The following TOX2 variants were observed in gnomAD, a reference collection of about 807,000 sequenced individuals.
TOX2 encodes the protein TOX high mobility group box family member 2.
In TOX2, 15 loss-of-function variants were observed where a neutral mutation model predicts 47.4. The ratio of observed to expected loss-of-function variants is 0.32; its 90% CI spans 0.21 to 0.49. The LOEUF (loss-of-function observed/expected upper bound fraction) is 0.49. TOX2 is among the 20% of genes least tolerant of loss of function. TOX2 has a pLI of 0.99. For missense variants in TOX2, 622 were observed against 673.1 expected, an observed-to-expected ratio of 0.92 and a Z score of 0.84; for synonymous variants, 290 against 296.6, an observed-to-expected ratio of 0.98 and a Z score of 0.23.
chr20:43,920,091 A>G (rs978680392), intron 1 of TOX2, among the ~76,000 whole-genome samples: 3 of 152,250 alleles, frequency 2.0e-5, no homozygotes, highest in Non-Finnish European at 4.4e-5. Flanking sequence ...CAAGGACCAC[A>G]CTTTGTGTAG....
chr20:43,982,136 C>G (rs2070179573), intron 2 of TOX2, among the ~76,000 whole-genome samples: 1 of 151,816 alleles, frequency 6.6e-6, no homozygotes, highest in Non-Finnish European at 1.5e-5. Context: ...TGGAGGACAG[C>G]AGAGAAAAGG....
chr20:44,020,980 G>A (rs763154571), intron 3 of TOX2, among the ~76,000 whole-genome samples: 5 of 152,146 alleles, frequency 3.3e-5, no homozygotes, highest in Middle Eastern at 3.4e-3. Context: ...GCCTTGAAGC[G>A]GACCCTCTGG....
chr20:44,026,228 G>GATATATATATATGT (rs2071060301), intron 3 of TOX2, among the ~76,000 whole-genome samples: 2 of 60,244 alleles, frequency 3.3e-5, no homozygotes, highest in African/African-American at 1.9e-4. Flanking sequence ...AAGAAACTGT[G>GATATATATATATGT]ATATATATAT....
chr20:43,995,068 T>C (rs1569075698), intron 2 of TOX2, among the ~76,000 whole-genome samples: 1 of 151,758 alleles, frequency 6.6e-6, no homozygotes, highest in Non-Finnish European at 1.5e-5. Flanking sequence ...TTTACCGGTA[T>C]GGCTTTTCTC....
intron 2 of TOX2, among the ~76,000 whole-genome samples, chr20:44,006,034 C>G (rs1464912088): frequency 6.6e-6 from 1 of 152,116 alleles, no homozygotes; most frequent in African/African-American, 2.4e-5. Context: ...TGCCATTTAC[C>G]AAGATGAGAA....
chr20:43,945,529 T>G (rs137879375), intron 1 of TOX2, among the ~76,000 whole-genome samples: 56 of 152,328 alleles, frequency 3.7e-4, no homozygotes, highest in African/African-American at 1.3e-3. Context: ...GCATGCAAGT[T>G]TCACACGTTG....
chr20:43,915,023 C>G lies in TOX2; in HGVS notation c.99+33C>G, dbSNP rs1283150269. On this transcript the variant is annotated intron_variant, in intron 1 of 8. Transcript: ENST00000341197. The surrounding 1 kb of genome is among the most constrained non-coding windows in gnomAD (Gnocchi z 7.1). ...GGGGCGGGCGGGGGTCCCCGGCGGG[C>G]GGGGCCGGAGTCACCTGGCAGCTCG... 1.6e-6 allele frequency: 2 copies of G among 1,215,500 alleles called. No individual in the cohort carries two copies. The highest frequency in any genetic ancestry group is 3.6e-5 in the East Asian group (1 of 28,150). The allele number at this position is 1,215,500 out of a possible 1,614,324, so 75.3% of individuals were successfully genotyped here.
At chr20:43,990,534 C>T (rs2070351387) in intron 2 of TOX2, among the ~76,000 whole-genome samples, 1 of 152,210 alleles carries the variant, frequency 6.6e-6, no homozygotes, top group Non-Finnish European at 1.5e-5. Context: ...GAAGTCCTCT[C>T]AATGTCACCT....
Position 44,066,820 on chromosome 20 carries a change from A to T in TOX2, c.1447A>T (p.Ser483Cys). Residue 483 changes from serine to cysteine, a missense_variant, in exon 8 of 9, where the codon AGC becomes TGC. Ser to Cys is a moderately radical substitution (Grantham distance 112). Coordinates refer to ENST00000341197, the MANE Select transcript of TOX2 (RefSeq NM_001098797.2). ...NPTSSGDWDSSYPSGECGIST... is the reference protein window; with the variant it reads ...NPTSSGDWDSCYPSGECGIST... ...CACCAGCAGCGGGGACTGGGACAGC[A>T]GCTACCCCAGTGGGGAGTGTGGCAT... The T allele has an allele frequency of 1.2e-6, 2 of 1,614,128 alleles. No individual in the cohort carries two copies. Among genetic ancestry groups the T allele is most frequent in the South Asian group, 2.2e-5 (2 of 91,082 alleles).
chr20:44,013,419 C>T (rs1046085113), intron 3 of TOX2, among the ~76,000 whole-genome samples: 6 of 152,178 alleles, frequency 3.9e-5, no homozygotes, highest in African/African-American at 1.4e-4. Context: ...ATAGGAATAC[C>T]CTCCCAAGTT....
intron 1 of TOX2, among the ~76,000 whole-genome samples, chr20:43,963,646 C>A (rs1264556298): frequency 6.6e-6 from 1 of 152,118 alleles, no homozygotes; most frequent in African/African-American, 2.4e-5. Context: ...TACGAATGTG[C>A]GTTGTGCCCA....
chr20:43,927,462 CACACACACACACACACACA>C (rs1289922483), intron 1 of TOX2, among the ~76,000 whole-genome samples: 3 of 44,366 alleles, frequency 6.8e-5, no homozygotes, highest in African/African-American at 6.9e-4. Flanking sequence ...CTATATAACA[CACACACACACACACACACA>C]CACACACACA....
chr20:44,028,097 C>T (rs1171996775), intron 3 of TOX2, among the ~76,000 whole-genome samples: 1 of 152,218 alleles, frequency 6.6e-6, no homozygotes, highest in Non-Finnish European at 1.5e-5. Context: ...CGACTAACAG[C>T]TGTGACAAGT....
intron 3 of TOX2, among the ~76,000 whole-genome samples, chr20:44,035,564 G>A (rs1262630429): frequency 6.6e-6 from 1 of 152,184 alleles, no homozygotes; most frequent in Non-Finnish European, 1.5e-5. Flanking sequence ...ACTGTGTTCT[G>A]GTCAGCCATG....
chr20:44,008,830 C>T lies in TOX2; in HGVS notation c.411+2038C>T, dbSNP rs571032392. Among the ~76,000 whole-genome samples the T allele has an allele frequency of 1.8e-3, 276 of 152,270 alleles. 2 individuals are homozygous for T. The highest frequency in any genetic ancestry group is 6.2e-3 in the African/African-American group (258 of 41,540). ...GTATGAAATATCCAGGGGGTGGATA[C>T]AGGGTTTCAGGCATGGTTCAATCCA... On this transcript the variant is annotated intron_variant, in intron 3 of 8. Coordinates refer to ENST00000341197, the MANE Select transcript of TOX2 (RefSeq NM_001098797.2).
chr20:44,008,495 G>T (rs887477909), intron 3 of TOX2, among the ~76,000 whole-genome samples: 1 of 152,192 alleles, frequency 6.6e-6, no homozygotes, highest in East Asian at 1.9e-4. Flanking sequence ...GGGAGGTAAA[G>T]GTTGCAGTAA....
chr20:44,068,601 G>A (rs1215492825), intron 8 of TOX2, 49 bp from the exon 9 acceptor site: 1 of 1,585,310 alleles, frequency 6.3e-7, no homozygotes, highest in South Asian at 1.2e-5. Context: ...TGCTCCCCTG[G>A]CCCGGAGAGG....
At chr20:43,989,794 A>T (rs1052858829) in intron 2 of TOX2, among the ~76,000 whole-genome samples, 1 of 151,900 alleles carries the variant, frequency 6.6e-6, no homozygotes, top group Non-Finnish European at 1.5e-5. Flanking sequence ...AAAAAAAAAA[A>T]AAACCCACCC....
intron 5 of TOX2, among the ~76,000 whole-genome samples, chr20:44,060,361 A>G (rs2071696592): frequency 6.6e-6 from 1 of 152,184 alleles, no homozygotes; most frequent in Non-Finnish European, 1.5e-5. Context: ...GACAAAGTCA[A>G]CAAAGAAACA....
Sources: gnomAD v4.1 joint callset for allele counts (sites outside exome capture counted in the v4.1 genomes callset) on GRCh38, gnomAD v4.1.1 for gene constraint, Gnocchi (gnomAD v3.1) non-coding constraint, MANE v1.5 for transcripts, NCBI Gene and HGNC (gene_info 2026-07-23, HGNC 2026-07-21) for gene names.